Variants in SUN1 observed in about 807,000 individuals in gnomAD.
SUN1 encodes the protein SUN domain-containing protein 1.
SUN1 carries 61 observed loss-of-function variants against 103.2 expected under a neutral mutation model. That is an observed-to-expected ratio of 0.59 (90% CI 0.48 to 0.73). The LOEUF is 0.73. Ranked by LOEUF, SUN1 falls within the 30% of genes least tolerant of loss-of-function variation. SUN1 has a pLI of 0.00. For missense variants in SUN1, 1,052 were observed against 1,034.6 expected (o/e 1.02, Z -0.23); for synonymous variants, 490 against 425.7 (o/e 1.15, Z -1.86).
At chr7:869,083 T>A in intron 16 of SUN1, 1 of 457,288 alleles carries the variant, frequency 2.2e-6, no homozygotes, top group Non-Finnish European at 4.0e-6. Flanking sequence ...CTTCACCTTT[T>A]CTTTGAAGTA....
chr7:837,033 G>A (rs535040294), intron 1 of SUN1, among the ~76,000 whole-genome samples: 282 of 152,352 alleles, frequency 1.9e-3, no homozygotes, highest in Middle Eastern at 3.4e-3. Context: ...CCTGGGGACT[G>A]CGAATCATGA....
chr7:840,221 T>C (rs1807939795), intron 2 of SUN1, among the ~76,000 whole-genome samples: 1 of 152,102 alleles, frequency 6.6e-6, no homozygotes, highest in Non-Finnish European at 1.5e-5. Context: ...ATCTAGGGAG[T>C]TCACTGCGCA....
chr7:828,248 G>A (rs201632298), upstream of SUN1, among the ~76,000 whole-genome samples: 7,176 of 122,384 alleles, frequency 0.059, 195 homozygotes, highest in African/African-American at 0.084. Flanking sequence ...GTATGTTTTT[G>A]TTTTTGTTTT....
At position 832,573 on chromosome 7, in the gene SUN1, G is replaced by A. The variant is rs1425200228; in HGVS notation, c.49G>A (p.Glu17Lys). Residue 17 changes from glutamate (E) to lysine (K), a missense_variant, in exon 1 of 19, where the codon GAG (glutamate) becomes AAG (lysine). Glu to Lys is a moderately conservative substitution (Grantham distance 56). Around this residue, in one of 2 missense-constraint regions of SUN1, gnomAD observed 846 missense variants for 774.5 expected, o/e 1.09. Transcript: ENST00000401592. The part of the protein sequence containing the change: ...HMYSPPQCVP[E>K]NTGYTYALSS... ...GTACAGTCCTCCCCAGTGTGTGCCG[G>A]AGAACACGGGCTACACGTATGCGCT... The A allele has an allele frequency of 6.2e-7, 1 of 1,612,786 alleles. No homozygotes were observed. Among genetic ancestry groups the A allele is most frequent in the Non-Finnish European group, 8.5e-7 (1 of 1,179,372 alleles).
chr7:871,376 G>A (rs1841538731), intron 17 of SUN1, among the ~76,000 whole-genome samples: 1 of 152,102 alleles, frequency 6.6e-6, no homozygotes, highest in Non-Finnish European at 1.5e-5. Context: ...ACACTCAGAT[G>A]CCCTGAGTCT....
At chr7:851,309 C>T (rs1251075641) in intron 5 of SUN1, 75 bp from the exon 6 acceptor site, 24 of 1,308,960 alleles carry the variant, frequency 1.8e-5, no homozygotes, top group Admixed American at 8.2e-5. Flanking sequence ...GTGGCTTGGG[C>T]GTCCCCACCG....
At chr7:824,531 T>G (rs1789510511) in intron 1 of SUN1, among the ~76,000 whole-genome samples, 1 of 152,234 alleles carries the variant, frequency 6.6e-6, no homozygotes, top group Non-Finnish European at 1.5e-5. Flanking sequence ...ATGTATAAAC[T>G]AAATAATTTG....
chr7:842,441 A>G, intron 3 of SUN1: 1 of 342,614 alleles, frequency 2.9e-6, no homozygotes, highest in Admixed American at 4.5e-5. Flanking sequence ...AGCAGGTAGT[A>G]ATCTTATAAC....
chr7:854,466 C>T (rs899093635), intron 10 of SUN1, among the ~76,000 whole-genome samples: 1 of 152,232 alleles, frequency 6.6e-6, no homozygotes, highest in Non-Finnish European at 1.5e-5. Flanking sequence ...ATCTCAGGTG[C>T]TCAGTAGCCA....
At chr7:838,464 A>G (rs1481441590) in intron 1 of SUN1, among the ~76,000 whole-genome samples, 1 of 152,116 alleles carries the variant, frequency 6.6e-6, no homozygotes, top group Non-Finnish European at 1.5e-5. Context: ...ACACACTCTG[A>G]TGTGTTTATA....
At chr7:832,439 G>T, upstream of SUN1, 1 of 1,392,012 alleles carries the variant, frequency 7.2e-7, no homozygotes, top group South Asian at 1.2e-5. Flanking sequence ...CAGGTTGACT[G>T]AGACAGGAAT....
chr7:857,796 G>A (rs765312144), intron 12 of SUN1, 32 bp from the exon 13 acceptor site: 41 of 1,546,198 alleles, frequency 2.7e-5, no homozygotes, highest in Non-Finnish European at 3.4e-5. Context: ...TGGGAGGCTT[G>A]TGTGTGACCC....
At chr7:832,826 A>G (rs1218044999) in intron 1 of SUN1, 2 of 514,628 alleles carry the variant, frequency 3.9e-6, no homozygotes, top group Non-Finnish European at 6.9e-6. Flanking sequence ...TAGTCATCGC[A>G]CATGGCTTGC....
At chr7:843,991 C>T (rs1812687956) in intron 5 of SUN1, 1 of 694,180 alleles carries the variant, frequency 1.4e-6, no homozygotes, top group Non-Finnish European at 1.8e-6. Context: ...TTCAGAGAAC[C>T]TGTAGGTCTG....
At chr7:860,856 A>C (rs1427129809) in intron 14 of SUN1, among the ~76,000 whole-genome samples, 1 of 152,184 alleles carries the variant, frequency 6.6e-6, no homozygotes, top group Non-Finnish European at 1.5e-5. Flanking sequence ...AGTGTATGCG[A>C]GGGAACTCCC....
intron 3 of SUN1, chr7:842,546 C>T (rs1232954329): frequency 9.7e-6 from 2 of 205,986 alleles, no homozygotes; most frequent in Non-Finnish European, 2.2e-5. Context: ...AGCAGTGAAG[C>T]AGCCAGGGTT....
At chr7:855,056 A>G (rs771229310) in intron 11 of SUN1, 50 bp downstream of exon 11, 12 of 1,383,462 alleles carry the variant, frequency 8.7e-6, no homozygotes, top group African/African-American at 7.2e-5. Context: ...AAAATCAACT[A>G]TGGCTAATAT....
upstream of SUN1, chr7:816,614 C>G (rs1451686027): frequency 5.1e-6 from 2 of 391,622 alleles, no homozygotes; most frequent in Non-Finnish European, 1.0e-5. Context: ...CTGGCGTGGG[C>G]AGAGCGTCTT....
At chr7:842,738 T>C (rs931058740) in intron 3 of SUN1, among the ~76,000 whole-genome samples, 1 of 152,246 alleles carries the variant, frequency 6.6e-6, no homozygotes, top group East Asian at 1.9e-4. Flanking sequence ...TATGTTCTGG[T>C]TGGCCCTTTT....
Sources: allele counts gnomAD v4.1 joint callset (sites outside exome capture counted in the v4.1 genomes callset), GRCh38; gene constraint gnomAD v4.1.1; regional missense constraint gnomAD v4.1.1; transcripts MANE v1.5; gene names NCBI Gene and HGNC (gene_info 2026-07-23, HGNC 2026-07-21).